Variants in PSME4 observed in about 807,000 individuals in gnomAD.
PSME4 encodes proteasome activator subunit 4.
Under a neutral mutation model 253.9 loss-of-function variants are expected in PSME4, and 89 were observed. The observed-to-expected ratio is 0.35, with a 90% CI of 0.30 to 0.42. The LOEUF (loss-of-function observed/expected upper bound fraction) is 0.42. Ranked by LOEUF, PSME4 falls within the 10% of genes least tolerant of loss-of-function variation. The pLI, the probability that PSME4 is intolerant of heterozygous loss-of-function variation, is 1.00. For missense variants in PSME4, 2,014 were observed against 2,195.2 expected (o/e 0.92, Z 1.65); for synonymous variants, 851 against 759.2 (o/e 1.12, Z -1.99).
At chr2:53,900,751 G>A (rs990703412) in intron 28 of PSME4, among the ~76,000 whole-genome samples, 1 of 152,142 alleles carries the variant, frequency 6.6e-6, no homozygotes, top group Non-Finnish European at 1.5e-5. Flanking sequence ...AATACATTTA[G>A]AACAGTGGTT....
At position 53,970,640 on chromosome 2, in the gene PSME4, C is replaced by T; in HGVS notation, c.145G>A (p.Asp49Asn). The change falls in exon 1 of 47, where the codon GAC becomes AAC. Residue 49 changes from aspartate to asparagine, a missense_variant. This residue lies in a region of PSME4 where 615 missense variants were observed against 594.4 expected (regional missense o/e 1.03). Transcript: ENST00000404125. ...CATTTGATCTGGGCCAGCTGCAAGT[C>T]GGACTCGGCGTCTAGCCGCTCCGCG... ...PYAERLDAES[D>N]LQLAQIKCNL... 6.5e-7 allele frequency: 1 copy of T among 1,550,134 alleles called. No homozygotes were observed. The highest frequency in any genetic ancestry group is 2.4e-5 in the East Asian group (1 of 40,864).
intron 2 of PSME4, 38 bp from the exon 3 acceptor site, chr2:53,948,575 A>AGGTATTTAT: frequency 8.6e-7 from 1 of 1,162,254 alleles, no homozygotes; most frequent in Non-Finnish European, 1.3e-6. Context: ...ATGTATGCAT[A>AGGTATTTAT]TGTGCACAGA....
intron 7 of PSME4, among the ~76,000 whole-genome samples, 198 bp from the exon 8 acceptor site, chr2:53,934,925 A>AC (rs1669034079): frequency 6.6e-6 from 1 of 152,182 alleles, no homozygotes; most frequent in South Asian, 2.1e-4. Flanking sequence ...GCTGTATGAC[A>AC]CTCTGAGGTC....
rs774889563 is a variant in PSME4 at position 53,923,055 on chromosome 2, T to C, written c.1972A>G (p.Thr658Ala). Residue 658 changes from threonine to alanine, a missense_variant, in exon 16 of 47, where the codon ACA (threonine) becomes GCA (alanine). Around this residue, in one of 4 missense-constraint regions of PSME4, gnomAD observed 989 missense variants for 1,021.1 expected, o/e 0.97. Coordinates refer to ENST00000404125, the MANE Select transcript of PSME4 (RefSeq NM_014614.3). ...PHCCSVITQL[T>A]MNDDVLNDEE... ...TAATGACCTTATGACTTACTCATTG[T>C]AAGCTGAGTTATAACACTGCAGCAG... 1 of 1,574,662 alleles carries C rather than the reference T, an allele frequency of 6.4e-7. No individual in the cohort carries two copies.
In PSME4 at chr2:53,908,843, A is replaced by G. The variant is rs2104441815; in HGVS notation, c.2573-3T>C. 6 of 1,595,924 alleles carry G rather than the reference A, an allele frequency of 3.8e-6. No homozygotes were observed. The highest frequency in any genetic ancestry group is 5.1e-6 in the Non-Finnish European group (6 of 1,167,782). ...TCGGTGGTTCTCTCGAGACAGATCT[A>G]TTTTGAAAAAATAAAAGAAGGTATT... On this transcript the variant is annotated splice_region_variant and splice_polypyrimidine_tract_variant and intron_variant, in intron 21 of 46. Transcript: ENST00000404125.
At chr2:53,893,265 A>G (rs1461162546) in intron 35 of PSME4, among the ~76,000 whole-genome samples, 3 of 152,156 alleles carry the variant, frequency 2.0e-5, no homozygotes, top group Non-Finnish European at 4.4e-5. Context: ...TGCCAATTAC[A>G]ACAAACATTA....
chr2:53,911,942 T>A (rs1413166164), intron 20 of PSME4, among the ~76,000 whole-genome samples: 1 of 152,210 alleles, frequency 6.6e-6, no homozygotes, highest in African/African-American at 2.4e-5. Context: ...ATGTGACACT[T>A]TGAATTGTTT....
intron 1 of PSME4, among the ~76,000 whole-genome samples, chr2:53,959,692 T>C (rs1381390235): frequency 4.6e-5 from 7 of 152,212 alleles, no homozygotes; most frequent in Non-Finnish European, 8.8e-5. Context: ...TTACATATAA[T>C]ATTAAAAATG....
chr2:53,925,699 C>T lies in PSME4; in HGVS notation c.1659-10G>A. The T allele has an allele frequency of 6.3e-7, 1 of 1,591,546 alleles. No individual in the cohort carries two copies. Among genetic ancestry groups the T allele is most frequent in the Non-Finnish European group, 8.6e-7 (1 of 1,163,072 alleles). On this transcript the variant is annotated splice_polypyrimidine_tract_variant and intron_variant, in intron 13 of 46. Coordinates refer to ENST00000404125, the MANE Select transcript of PSME4 (RefSeq NM_014614.3). ...TATAAGTCCAAAACATCTAAATAAT[C>T]CAAACAAAGCATAATTTCAGCAACT...
chr2:53,910,199 A>G, intron 20 of PSME4, 69 bp from the exon 21 acceptor site: 1 of 1,287,856 alleles, frequency 7.8e-7, no homozygotes, highest in Non-Finnish European at 1.1e-6. Flanking sequence ...GAAAAGTTTC[A>G]TTGCTGGACT....
rs566571804 is a variant in PSME4 at position 53,911,167 on chromosome 2, T to C, written c.2517-1037A>G. ...TAAAAACATATTTCTAAAATGTCAG[T>C]TATTTAACTATGTTTCTCACCATAA... On this transcript the variant is annotated intron_variant, in intron 20 of 46. Transcript: ENST00000404125. Among the ~76,000 whole-genome samples, 15 of 152,342 alleles carry C rather than the reference T, an allele frequency of 9.8e-5. 1 individual carries two copies. In the South Asian group the frequency reaches 3.1e-3, roughly 32 times the overall value.
At chr2:53,896,374 T>C (rs1225917450) in intron 32 of PSME4, among the ~76,000 whole-genome samples, 1 of 152,142 alleles carries the variant, frequency 6.6e-6, no homozygotes, top group Non-Finnish European at 1.5e-5. Flanking sequence ...AAAGATACCA[T>C]ACAATTTAAA....
intron 38 of PSME4, chr2:53,888,234 T>C (rs925727169): frequency 2.1e-5 from 7 of 326,930 alleles, no homozygotes; most frequent in Non-Finnish European, 5.5e-6. Context: ...TTAAGAATAC[T>C]CACTGACTAA....
In PSME4 at chr2:53,893,785, T is replaced by G; in HGVS notation, c.3927A>C (p.Ile1309=). 1 of 1,608,642 alleles carries G rather than the reference T, an allele frequency of 6.2e-7. No homozygotes were observed. The highest frequency in any genetic ancestry group is 8.5e-7 in the Non-Finnish European group (1 of 1,177,378). Residue 1309 remains isoleucine, a synonymous_variant, in exon 35 of 47, where the codon ATA becomes ATC. Transcript: ENST00000404125. ...ATTTAGGATCAGAAAAATGATCAAATATAATCTGTTCTGCCTATAAAGTTA... is the reference window on the plus strand; with the variant it reads ...ATTTAGGATCAGAAAAATGATCAAAGATAATCTGTTCTGCCTATAAAGTTA... ...REDMTEAEQI[I]FDHFSDPKFV...
Position 53,880,419 on chromosome 2 carries a change from A to AT in PSME4, c.4816-4665dup, listed in dbSNP as rs376807200. 6.7e-3 allele frequency among the ~76,000 whole-genome samples: 1,021 copies of AT among 152,204 alleles called. 13 individuals are homozygous for AT. The highest frequency in any genetic ancestry group is 0.024 in the African/African-American group (983 of 41,514). On this transcript the variant is annotated intron_variant, in intron 41 of 46. Coordinates refer to ENST00000404125, the MANE Select transcript of PSME4 (RefSeq NM_014614.3). Reference sequence around the variant, plus strand: ...AGGCCATCCTGGACAACATAGCAAGATATCATCTCTTAAAAAAAAATGCAG... The same window carrying AT: ...AGGCCATCCTGGACAACATAGCAAGATTATCATCTCTTAAAAAAAAATGCAG...
intron 3 of PSME4, among the ~76,000 whole-genome samples, chr2:53,944,848 C>A (rs989559281): frequency 1.3e-5 from 2 of 151,944 alleles, no homozygotes; most frequent in African/African-American, 4.8e-5. Flanking sequence ...AATAGAGAAA[C>A]AAATGCCATA....
At chr2:53,909,727 G>T (rs181892223) in intron 21 of PSME4, among the ~76,000 whole-genome samples, 1 of 152,138 alleles carries the variant, frequency 6.6e-6, no homozygotes, top group African/African-American at 2.4e-5. Context: ...TCTGGGAAGC[G>T]GAGGTGGGTA....
At chr2:53,899,855 A>G (rs1680313287) in intron 29 of PSME4, 26 bp downstream of exon 29, 11 of 1,608,692 alleles carry the variant, frequency 6.8e-6, no homozygotes, top group Non-Finnish European at 9.3e-6. Context: ...AATGTCATCT[A>G]TTGAAGTACA....
rs748808084 is a variant in PSME4 at position 53,899,857 on chromosome 2, T to C, written c.3422+24A>G. On this transcript the variant is annotated intron_variant, in intron 29 of 46. Transcript: ENST00000404125. ...ACTTACTATCTATAATGTCATCTATTGAAGTACACCATTCATCAATTACCT... is the reference window on the plus strand; with the variant it reads ...ACTTACTATCTATAATGTCATCTATCGAAGTACACCATTCATCAATTACCT... 19 of 1,608,764 alleles carry C rather than the reference T, an allele frequency of 1.2e-5. 1 individual carries two copies. The South Asian group carries it at 1.8e-4, about 15-fold the overall frequency.
Sources: allele counts gnomAD v4.1 joint callset (sites outside exome capture counted in the v4.1 genomes callset), GRCh38; gene constraint gnomAD v4.1.1; regional missense constraint gnomAD v4.1.1; transcripts MANE v1.5; gene names NCBI Gene and HGNC (gene_info 2026-07-23, HGNC 2026-07-21).